The following ERICH6B variants were observed in gnomAD, a reference collection of about 807,000 sequenced individuals.
The protein encoded by ERICH6B is glutamate rich 6B, also known as glutamate-rich protein 6B.
A neutral mutation model predicts 80.0 loss-of-function variants in ERICH6B; 69 were observed. The observed-to-expected ratio is 0.86, with a 90% CI of 0.71 to 1.05. The LOEUF (loss-of-function observed/expected upper bound fraction) is 1.05. ERICH6B is among the 50% of genes least tolerant of loss of function. The pLI is 0.00. For missense variants in ERICH6B, 754 were observed against 796.1 expected, an observed-to-expected ratio of 0.95 and a Z score of 0.64; for synonymous variants, 283 against 291.9, an observed-to-expected ratio of 0.97 and a Z score of 0.31.
intron 1 of ERICH6B, among the ~76,000 whole-genome samples, chr13:45,609,523 T>G (rs1321448866): frequency 6.6e-6 from 1 of 152,264 alleles, no homozygotes; most frequent in African/African-American, 2.4e-5. Context: ...GAACATACCA[T>G]GTTCTTTGGT....
intron 5 of ERICH6B, among the ~76,000 whole-genome samples, chr13:45,586,578 G>A (rs911259254): frequency 6.6e-6 from 1 of 152,082 alleles, no homozygotes; most frequent in Non-Finnish European, 1.5e-5. Flanking sequence ...AGTTTTGGTG[G>A]GTTCTGAATC....
chr13:45,574,218 T>A (rs1235383348), intron 8 of ERICH6B, among the ~76,000 whole-genome samples: 2 of 152,152 alleles, frequency 1.3e-5, no homozygotes, highest in Non-Finnish European at 2.9e-5. Context: ...GAGAACACAA[T>A]GAATAATGAT....
At chr13:45,604,593 A>G (rs3014942) in intron 2 of ERICH6B, among the ~76,000 whole-genome samples, 2,352 of 152,356 alleles carry the variant, frequency 0.015, 66 homozygotes, top group Admixed American at 0.073. Flanking sequence ...AGGTGTGAAA[A>G]AAAAGTTGTT....
chr13:45,596,049 A>G (rs1274884037), intron 3 of ERICH6B, among the ~76,000 whole-genome samples: 2 of 152,214 alleles, frequency 1.3e-5, no homozygotes, highest in Non-Finnish European at 2.9e-5. Flanking sequence ...CAGGTGCTTT[A>G]TGTTTATGAA....
At chr13:45,602,218 G>A in intron 2 of ERICH6B, among the ~76,000 whole-genome samples, 1 of 152,134 alleles carries the variant, frequency 6.6e-6, no homozygotes, top group Non-Finnish European at 1.5e-5. Context: ...CTGGAGTTGA[G>A]CTCCCTTTTC....
At chr13:45,589,526 C>T (rs922029401) in intron 4 of ERICH6B, among the ~76,000 whole-genome samples, 9 of 152,148 alleles carry the variant, frequency 5.9e-5, no homozygotes, top group African/African-American at 1.7e-4. Context: ...ATTTCATCCT[C>T]ACCAAAACCC....
chr13:45,600,163 A>T (rs569417672), intron 2 of ERICH6B, among the ~76,000 whole-genome samples: 1 of 152,244 alleles, frequency 6.6e-6, no homozygotes, highest in South Asian at 2.1e-4. Context: ...CTAAAACCTC[A>T]ACATACCACC....
chr13:45,570,677 T>C (rs1413127599), intron 8 of ERICH6B, among the ~76,000 whole-genome samples: 1 of 152,200 alleles, frequency 6.6e-6, no homozygotes, highest in African/African-American at 2.4e-5. Flanking sequence ...AGGTTCCATG[T>C]GGCTTTTTGC....
chr13:45,597,570 G>T (rs1876452700), intron 2 of ERICH6B, among the ~76,000 whole-genome samples: 1 of 152,078 alleles, frequency 6.6e-6, no homozygotes, highest in Non-Finnish European at 1.5e-5. Context: ...AAGTCTGTGG[G>T]TCATGTCCTC....
At chr13:45,615,277 C>A (rs1416004213) in intron 1 of ERICH6B, among the ~76,000 whole-genome samples, 1 of 152,156 alleles carries the variant, frequency 6.6e-6, no homozygotes, top group African/African-American at 2.4e-5. Context: ...AGTTTTCGAT[C>A]TGGGGAATTT....
intron 3 of ERICH6B, among the ~76,000 whole-genome samples, chr13:45,593,045 T>C (rs1876220119): frequency 6.6e-6 from 1 of 152,174 alleles, no homozygotes; most frequent in African/African-American, 2.4e-5. Context: ...GCATCCAAAA[T>C]CTGAACTCCC....
chr13:45,574,809 G>A lies in ERICH6B; in HGVS notation c.1050+33C>T, dbSNP rs535916281. The stretch of plus-strand genomic sequence containing the variant: ...GGCCACCCTACATTTGGAGGAAGCT[G>A]GGGGGGGGGTCTCAAGTTTTTATCC... On this transcript the variant is annotated intron_variant, in intron 8 of 14. Transcript: ENST00000298738. The A allele has an allele frequency of 1.6e-5, 4 of 244,142 alleles. No homozygotes were observed. The East Asian group carries it at 4.9e-4, about 30-fold the overall frequency. 15.1% of individuals were successfully genotyped at this position (244,142 alleles called of 1,614,324 possible). A position where few individuals can be genotyped will look rare whatever the true frequency, so the allele number is the denominator to read the frequency against.
At position 45,567,022 on chromosome 13, in the gene ERICH6B, G is replaced by T. The variant is rs148142012; in HGVS notation, c.1187+1293C>A. ...TCTTGCATTAGCATGACCTGGATGTGAGACATGGAGTTAAAGAAGATTATT... is the reference window on the plus strand; with the variant it reads ...TCTTGCATTAGCATGACCTGGATGTTAGACATGGAGTTAAAGAAGATTATT... On this transcript the variant is annotated intron_variant, in intron 9 of 14. Transcript: ENST00000298738. Among the ~76,000 whole-genome samples, 19 of 152,374 alleles carry T rather than the reference G, an allele frequency of 1.2e-4. No individual in the cohort carries two copies. In the South Asian group the frequency reaches 3.7e-3, roughly 30 times the overall value.
chr13:45,598,891 T>C (rs1394924727), intron 2 of ERICH6B, among the ~76,000 whole-genome samples: 1 of 152,104 alleles, frequency 6.6e-6, no homozygotes, highest in Non-Finnish European at 1.5e-5. Context: ...AAGGTGGAGA[T>C]AGAAAAGCAC....
At chr13:45,583,925 C>G (rs79412661) in intron 5 of ERICH6B, among the ~76,000 whole-genome samples, 5,460 of 152,254 alleles carry the variant, frequency 0.036, 194 homozygotes, top group Middle Eastern at 0.085. Context: ...TCTGACCTCT[C>G]CTTACACCTC....
chr13:45,599,181 T>C (rs1294619299), intron 2 of ERICH6B, among the ~76,000 whole-genome samples: 1 of 152,034 alleles, frequency 6.6e-6, no homozygotes. Context: ...AAAGAGTTGG[T>C]GGAGAGAAAA....
chr13:45,606,537 A>G (rs1245646255), intron 2 of ERICH6B, among the ~76,000 whole-genome samples: 5 of 12,918 alleles, frequency 3.9e-4, no homozygotes, highest in African/African-American at 9.9e-4. Flanking sequence ...ATATATATAT[A>G]TATATATATA....
At chr13:45,548,288 TC>T (rs1020358982) in intron 13 of ERICH6B, among the ~76,000 whole-genome samples, 1 of 152,214 alleles carries the variant, frequency 6.6e-6, no homozygotes, top group Non-Finnish European at 1.5e-5. Context: ...CATGGAGAAG[TC>T]CTGTTGGTGT....
intron 8 of ERICH6B, 147 bp downstream of exon 8, chr13:45,574,695 C>G: frequency 1.6e-6 from 1 of 640,850 alleles, no homozygotes; most frequent in Non-Finnish European, 2.7e-6. Context: ...GCTGTCTTCT[C>G]TAACACCCAG....
Sources: gnomAD v4.1 joint callset for allele counts (sites outside exome capture counted in the v4.1 genomes callset) on GRCh38, gnomAD v4.1.1 for gene constraint, MANE v1.5 for transcripts, NCBI Gene and HGNC (gene_info 2026-07-23, HGNC 2026-07-21) for gene names.